MAP3K11: variants seen among roughly 807,000 people sequenced by gnomAD.
MAP3K11 encodes the protein SH3 domain-containing proline-rich kinase.
Under a neutral mutation model 84.9 loss-of-function variants are expected in MAP3K11, and 46 were observed. The ratio of observed to expected loss-of-function variants is 0.54; its 90% CI spans 0.43 to 0.69. The LOEUF (loss-of-function observed/expected upper bound fraction) is 0.69, where lower values mean the gene tolerates loss of function less well. Ranked by LOEUF, MAP3K11 falls within the 30% of genes least tolerant of loss-of-function variation. The pLI is 0.00. For synonymous variants in MAP3K11, 527 were observed against 514.7 expected (o/e 1.02, Z -0.32); for missense variants, 1,053 against 1,198.3 (o/e 0.88, Z 1.79).
Position 65,606,042 on chromosome 11 carries a change from G to T in MAP3K11, c.1643C>A (p.Ser548Tyr), listed in dbSNP as rs1369199782. ...GCTTGAGTCCTCCAGACGTCGGGGG[G>T]ACTGGCGGCCCCATGCCTGGCCTGG... The part of the protein sequence containing the change: ...AEPGQAWGRQ[S>Y]PRRLEDSSNG... Residue 548 changes from serine (S) to tyrosine (Y), a missense_variant, in exon 7 of 10, where the codon TCC becomes TAC. Ser to Tyr is a moderately radical substitution (Grantham distance 144). This residue lies in a region of MAP3K11 where 583 missense variants were observed against 566.6 expected (regional missense o/e 1.03). Coordinates refer to ENST00000309100, the MANE Select transcript of MAP3K11 (RefSeq NM_002419.4). 2.5e-6 allele frequency: 4 copies of T among 1,592,688 alleles called. No homozygotes were observed. The highest frequency in any genetic ancestry group is 2.3e-5 in the East Asian group (1 of 44,308).
chr11:65,607,693 C>T lies in MAP3K11; in HGVS notation c.1193G>A (p.Gly398Asp), dbSNP rs1384166469. 1 of 1,613,456 alleles carries T rather than the reference C, an allele frequency of 6.2e-7. No individual in the cohort carries two copies. Among genetic ancestry groups the T allele is most frequent in the Non-Finnish European group, 8.5e-7 (1 of 1,179,618 alleles). Residue 398 changes from glycine to aspartate, a missense_variant, in exon 4 of 10, where the codon GGC becomes GAC. Gly to Asp is a moderately conservative substitution (Grantham distance 94). Coordinates refer to ENST00000309100, the MANE Select transcript of MAP3K11 (RefSeq NM_002419.4). ...GAGACCCTGGATCTCGCGCTTCCAG[C>T]CTTCCTGCATGGAATGGAAGGAGTC... Reference protein sequence around the residue: ...PRDSFHSMQEGWKREIQGLFD... With the variant: ...PRDSFHSMQEDWKREIQGLFD...
At chr11:65,605,343 A>C (rs1235877369) in intron 8 of MAP3K11, among the ~76,000 whole-genome samples, 2 of 152,136 alleles carry the variant, frequency 1.3e-5, no homozygotes, top group Non-Finnish European at 2.9e-5. Context: ...AGTGTGGCTG[A>C]CACTTGTTTG....
chr11:65,613,833 G>A lies in MAP3K11; in HGVS notation c.-77C>T. The A allele has an allele frequency of 7.0e-7, 1 of 1,432,452 alleles. No individual in the cohort carries two copies. The highest frequency in any genetic ancestry group is 9.2e-7 in the Non-Finnish European group (1 of 1,091,692). The allele number at this position is 1,432,452 out of a possible 1,614,324, so 88.7% of individuals were successfully genotyped here. On this transcript the variant is annotated 5_prime_UTR_variant, in exon 1 of 10. Coordinates refer to ENST00000309100, the MANE Select transcript of MAP3K11 (RefSeq NM_002419.4). ...GTCCCCACCCCCGCTGGCTGCCAAG[G>A]CCCTAGTCCCGGAACCTGGGCATCC...
At chr11:65,606,216 G>A in intron 6 of MAP3K11, 135 bp from the exon 7 acceptor site, 1 of 1,054,236 alleles carries the variant, frequency 9.5e-7, no homozygotes, top group Non-Finnish European at 1.3e-6. Flanking sequence ...CTTTGGGCAA[G>A]ATAGATGGGT....
rs1380818233 is a variant in MAP3K11 at position 65,598,445 on chromosome 11, G to A, written c.2390C>T (p.Ala797Val). 1.9e-6 allele frequency: 3 copies of A among 1,610,440 alleles called. No homozygotes were observed. The highest frequency in any genetic ancestry group is 1.3e-5 in the African/African-American group (1 of 75,006). Residue 797 changes from alanine to valine, a missense_variant, in exon 10 of 10, where the codon GCA (alanine) becomes GTA (valine). By Grantham distance (64) the Ala-to-Val change is moderately conservative (BLOSUM62 0). Coordinates refer to ENST00000309100, the MANE Select transcript of MAP3K11 (RefSeq NM_002419.4). Reference protein sequence around the residue: ...RPSPLPSPQPAPRRAPWTLFP... With the variant: ...RPSPLPSPQPVPRRAPWTLFP... ...CAAGGTCCAGGGTGCTCGGCGGGGT[G>A]CAGGCTGTGGTGATGGCAGGGGAGA... is the stretch of plus-strand genomic sequence containing the variant.
intron 3 of MAP3K11, 35 bp downstream of exon 3, chr11:65,607,887 G>T (rs1221530451): frequency 1.9e-6 from 3 of 1,609,790 alleles, no homozygotes; most frequent in Non-Finnish European, 2.5e-6. Flanking sequence ...GGGCCAGGGA[G>T]CTCTGTACCT....
chr11:65,613,874 G>T lies in MAP3K11; in HGVS notation c.-118C>A. The T allele has an allele frequency of 8.6e-7, 1 of 1,168,968 alleles. No individual in the cohort carries two copies. 72.4% of individuals were successfully genotyped at this position (1,168,968 alleles called of 1,614,324 possible). A position where few individuals can be genotyped will look rare whatever the true frequency, so the allele number is the denominator to read the frequency against. On this transcript the variant is annotated 5_prime_UTR_variant, in exon 1 of 10. It adds an upstream start codon to the 5' untranslated region. Transcript: ENST00000309100. ...CTGGGCATCCGGGCCCTGGCCCTCA[G>T]CCCCAGACCCACGCCTCTCTGGGGA... is the stretch of plus-strand genomic sequence containing the variant.
Position 65,613,787 on chromosome 11 carries a change from G to A in MAP3K11, c.-31C>T, listed in dbSNP as rs1368178545. On this transcript the variant is annotated 5_prime_UTR_variant, in exon 1 of 10. Transcript: ENST00000309100. Reference sequence around the variant, plus strand: ...GGAGCCGGCGCTGGGATGTGTGGAGGACCTTCTCTGGGTGCCCGTGGTCCC... The same window carrying A: ...GGAGCCGGCGCTGGGATGTGTGGAGAACCTTCTCTGGGTGCCCGTGGTCCC... 2.0e-6 allele frequency: 3 copies of A among 1,503,178 alleles called. No homozygotes were observed. The highest frequency in any genetic ancestry group is 2.8e-5 in the African/African-American group (2 of 72,274). 93.1% of individuals were successfully genotyped at this position (1,503,178 alleles called of 1,614,324 possible).
In MAP3K11 at chr11:65,608,268, C is replaced by T. The variant is rs1854535754; in HGVS notation, c.920G>A (p.Ser307Asn). ...CGTCCAGCCCCACCAAGGGCCGCAC[C>T]TCCAGACGTCACTGCCCTTAGAGAA... ...STFSKGSDVWSFGVLLWELLT... is the reference protein window; with the variant it reads ...STFSKGSDVWNFGVLLWELLT... Residue 307 changes from serine (S) to asparagine (N), a missense_variant and splice_region_variant, in exon 2 of 10, where the codon AGT becomes AAT. Coordinates refer to ENST00000309100, the MANE Select transcript of MAP3K11 (RefSeq NM_002419.4). 1 of 1,613,404 alleles carries T rather than the reference C, an allele frequency of 6.2e-7. No individual in the cohort carries two copies. The highest frequency in any genetic ancestry group is 1.7e-5 in the Admixed American group (1 of 60,002).
At position 65,607,331 on chromosome 11, in the gene MAP3K11, C is replaced by T. The variant is rs896117066; in HGVS notation, c.1428G>A (p.Gly476=). ...CCCGGAGCTTGCTGCGCTTGAATGT[C>T]CCGCGGCGGCGGCGCACGTGCGGTC... ...RERPHVRRRR[G]TFKRSKLRAR... The change falls in exon 5 of 10, where the codon GGG becomes GGA. Residue 476 remains glycine (G), a synonymous_variant. Coordinates refer to ENST00000309100, the MANE Select transcript of MAP3K11 (RefSeq NM_002419.4). 6.6e-7 allele frequency: 1 copy of T among 1,511,396 alleles called. No individual in the cohort carries two copies. The highest frequency in any genetic ancestry group is 1.2e-5 in the South Asian group (1 of 82,084). 93.6% of individuals were successfully genotyped at this position (1,511,396 alleles called of 1,614,324 possible).
intron 8 of MAP3K11, among the ~76,000 whole-genome samples, chr11:65,602,475 A>G (rs544073308): frequency 9.2e-4 from 140 of 152,062 alleles, no homozygotes; most frequent in African/African-American, 3.3e-3. Context: ...GTGAAACCTC[A>G]TCTCTACTAC....
intron 6 of MAP3K11, 97 bp from the exon 7 acceptor site, chr11:65,606,178 C>A: frequency 7.3e-7 from 1 of 1,373,302 alleles, no homozygotes; most frequent in Non-Finnish European, 9.6e-7. Context: ...GGGGAGCAGG[C>A]TGGGCCCTGT....
At position 65,613,318 on chromosome 11, in the gene MAP3K11, G is replaced by T; in HGVS notation, c.439C>A (p.Arg147Ser). Residue 147 changes from arginine (R) to serine (S), a missense_variant, in exon 1 of 10, where the codon CGC (arginine) becomes AGC (serine). Around this residue, in one of 3 missense-constraint regions of MAP3K11, gnomAD observed 310 missense variants for 464.5 expected, o/e 0.67. Coordinates refer to ENST00000309100, the MANE Select transcript of MAP3K11 (RefSeq NM_002419.4). ...RGELVAVKAARQDPDEDISVT... is the reference protein window; with the variant it reads ...RGELVAVKAASQDPDEDISVT... ...CTGATGTCCTCATCGGGGTCCTGGC[G>T]AGCTGCCTTCACAGCCACCAGCTCA... The T allele has an allele frequency of 6.2e-7, 1 of 1,613,076 alleles. No individual in the cohort carries two copies. The highest frequency in any genetic ancestry group is 8.5e-7 in the Non-Finnish European group (1 of 1,179,942).
rs764566604 is a variant in MAP3K11, at chr11:65,606,036, C to T, written c.1649G>A (p.Arg550Gln). Residue 550 changes from arginine (R) to glutamine (Q), a missense_variant, in exon 7 of 10, where the codon CGA becomes CAA. Arg to Gln is a conservative substitution (Grantham distance 43). Around this residue, in one of 3 missense-constraint regions of MAP3K11, gnomAD observed 583 missense variants for 566.6 expected, o/e 1.03. Coordinates refer to ENST00000309100, the MANE Select transcript of MAP3K11 (RefSeq NM_002419.4). ...PGQAWGRQSP[R>Q]RLEDSSNGER... Reference sequence around the variant, plus strand: ...TCCATTGCTTGAGTCCTCCAGACGTCGGGGGGACTGGCGGCCCCATGCCTG... The same window carrying T: ...TCCATTGCTTGAGTCCTCCAGACGTTGGGGGGACTGGCGGCCCCATGCCTG... 1.8e-5 allele frequency: 28 copies of T among 1,591,524 alleles called. No homozygotes were observed. Among genetic ancestry groups the T allele is most frequent in the Non-Finnish European group, 2.3e-5 (27 of 1,169,844 alleles).
chr11:65,600,748 G>T (rs1422198693), intron 8 of MAP3K11, among the ~76,000 whole-genome samples: 1 of 152,214 alleles, frequency 6.6e-6, no homozygotes, highest in African/African-American at 2.4e-5. Context: ...GTCACTAGGA[G>T]AAAGTCTGGC....
At chr11:65,607,599 G>C in intron 4 of MAP3K11, 42 bp downstream of exon 4, 1 of 1,572,734 alleles carries the variant, frequency 6.4e-7, no homozygotes, top group Non-Finnish European at 8.6e-7. Context: ...GGGAGATCGG[G>C]GAGACACTCG....
intron 8 of MAP3K11, among the ~76,000 whole-genome samples, chr11:65,601,429 C>T (rs1169131500): frequency 1.3e-5 from 2 of 152,192 alleles, no homozygotes; most frequent in African/African-American, 4.8e-5. Context: ...GAGGTCAGGG[C>T]AGTGTTTAAC....
intron 8 of MAP3K11, among the ~76,000 whole-genome samples, chr11:65,604,720 G>A (rs1565143493): frequency 6.7e-6 from 1 of 148,800 alleles, no homozygotes; most frequent in East Asian, 2.1e-4. Context: ...TGGAAGAGGC[G>A]ATGGGCTGGG....
chr11:65,609,177 G>A (rs1301521334), intron 1 of MAP3K11: 2 of 152,194 alleles, frequency 1.3e-5, no homozygotes, highest in African/African-American at 4.8e-5. Context: ...TGAGTCTCCT[G>A]TCATTTTGTT....
Sources: allele counts gnomAD v4.1 joint callset (sites outside exome capture counted in the v4.1 genomes callset), GRCh38; gene constraint gnomAD v4.1.1; regional missense constraint gnomAD v4.1.1; transcripts MANE v1.5; gene names NCBI Gene and HGNC (gene_info 2026-07-23, HGNC 2026-07-21).